KLHL29: variants seen among roughly 807,000 people sequenced by gnomAD.
KLHL29 encodes kelch-like protein 29.
In KLHL29, 21 loss-of-function variants were observed where a neutral mutation model predicts 80.4. That is an observed-to-expected ratio of 0.26 (90% CI 0.19 to 0.38). The LOEUF (loss-of-function observed/expected upper bound fraction) is 0.38, where lower values mean the gene tolerates loss of function less well. KLHL29 is among the 10% of genes least tolerant of loss of function. The pLI, the probability that KLHL29 is intolerant of heterozygous loss-of-function variation, is 1.00. For synonymous variants in KLHL29, 511 were observed against 526.8 expected (o/e 0.97, Z 0.41); for missense variants, 867 against 1,223.9 (o/e 0.71, Z 4.35).
intron 2 of KLHL29, among the ~76,000 whole-genome samples, chr2:23,515,184 G>A (rs1280344976): frequency 6.6e-6 from 1 of 152,142 alleles, no homozygotes; most frequent in African/African-American, 2.4e-5. Flanking sequence ...CACAGCCCAA[G>A]GGAGGGTCCT....
chr2:23,512,014 C>T (rs938660129), intron 2 of KLHL29, among the ~76,000 whole-genome samples: 8 of 152,132 alleles, frequency 5.3e-5, no homozygotes, highest in African/African-American at 1.2e-4. Flanking sequence ...TCAGGGCTCT[C>T]GGTAGAAAAC....
chr2:23,562,550 A>G lies in KLHL29; in HGVS notation c.285+69A>G. 6.8e-7 allele frequency: 1 copy of G among 1,474,402 alleles called. No individual in the cohort carries two copies. The highest frequency in any genetic ancestry group is 2.3e-4 in the Middle Eastern group (1 of 4,372). 91.3% of individuals were successfully genotyped at this position (1,474,402 alleles called of 1,614,324 possible). A position where few individuals can be genotyped will look rare whatever the true frequency, so the allele number is the denominator to read the frequency against. Reference sequence around the variant, plus strand: ...CCCTGCCTCCCTGCAGGCTCAGGCCAGCCCCACAGGCTCCTGTGGGGCAGC... The same window carrying G: ...CCCTGCCTCCCTGCAGGCTCAGGCCGGCCCCACAGGCTCCTGTGGGGCAGC... On this transcript the variant is annotated intron_variant, in intron 3 of 13. Transcript: ENST00000486442. This position sits in a 1 kb window ranked among gnomAD's most constrained non-coding sequence, Gnocchi z 4.5.
intron 2 of KLHL29, among the ~76,000 whole-genome samples, chr2:23,487,363 C>T (rs1384219607): frequency 6.6e-6 from 1 of 152,184 alleles, no homozygotes; most frequent in Non-Finnish European, 1.5e-5. Flanking sequence ...GTCTTCTGCA[C>T]ATGCTACCTG....
chr2:23,587,092 G>A (rs962702592), intron 3 of KLHL29, among the ~76,000 whole-genome samples: 3 of 152,048 alleles, frequency 2.0e-5, no homozygotes, highest in Admixed American at 6.6e-5. Context: ...CTTTCATGTC[G>A]CTCCTTTTAA....
At chr2:23,634,041 G>A (rs186266882) in intron 3 of KLHL29, among the ~76,000 whole-genome samples, 14 of 152,276 alleles carry the variant, frequency 9.2e-5, no homozygotes, top group South Asian at 2.1e-4. Flanking sequence ...AAGCCTGTGT[G>A]ACCCCCACGG....
At chr2:23,612,066 A>G (rs1256638218) in intron 3 of KLHL29, among the ~76,000 whole-genome samples, 1 of 152,234 alleles carries the variant, frequency 6.6e-6, no homozygotes, top group Non-Finnish European at 1.5e-5. Flanking sequence ...AAACTGTGTC[A>G]GAAGCAATAT....
chr2:23,664,211 A>G (rs1318260604), intron 5 of KLHL29, among the ~76,000 whole-genome samples: 10 of 152,178 alleles, frequency 6.6e-5, no homozygotes, highest in Non-Finnish European at 8.8e-5. Flanking sequence ...TTGCATGTTG[A>G]AAAGCCCTGA....
Position 23,639,152 on chromosome 2 carries a change from C to G in KLHL29, c.299C>G (p.Ser100Cys). The G allele has an allele frequency of 6.5e-7, 1 of 1,537,104 alleles. No individual in the cohort carries two copies. Among genetic ancestry groups the G allele is most frequent in the Non-Finnish European group, 8.8e-7 (1 of 1,142,026 alleles). The change falls in exon 4 of 14, where the codon TCC becomes TGC. Residue 100 changes from serine (S) to cysteine (C), a missense_variant. Physicochemically the swap from Ser to Cys is moderately radical, Grantham distance 112. Transcript: ENST00000486442. ...SAVTTKAPGI[S>C]KGDSQSQGLA... ...TGCTTCCCACAGGCTCCCGGCATCT[C>G]CAAAGGGGACAGTCAGTCCCAGGGA...
At chr2:23,602,702 T>C (rs1668602435) in intron 3 of KLHL29, among the ~76,000 whole-genome samples, 1 of 150,916 alleles carries the variant, frequency 6.6e-6, no homozygotes, top group African/African-American at 2.4e-5. Flanking sequence ...AGTCTACCCA[T>C]CTCAGCCTCC....
At chr2:23,646,795 A>T (rs747936935) in intron 5 of KLHL29, among the ~76,000 whole-genome samples, 36 of 152,340 alleles carry the variant, frequency 2.4e-4, no homozygotes, top group Non-Finnish European at 5.0e-4. Context: ...ACTTTGAGGC[A>T]CAGGGAATAG....
Position 23,413,641 on chromosome 2 carries a change from G to T in KLHL29, c.-154+27861G>T, listed in dbSNP as rs200733644. 1.5e-4 allele frequency among the ~76,000 whole-genome samples: 23 copies of T among 152,296 alleles called. 1 individual carries two copies. In the East Asian group the frequency reaches 4.0e-3, roughly 27 times the overall value. ...GAACAACCTGCTCCCCACCTTGAAA[G>T]AAACCATTGACTTCATGGAAAAAAC... On this transcript the variant is annotated intron_variant, in intron 1 of 13. Coordinates refer to ENST00000486442, the MANE Select transcript of KLHL29 (RefSeq NM_052920.2).
chr2:23,576,729 C>T (rs1296194293), intron 3 of KLHL29, among the ~76,000 whole-genome samples: 2 of 152,196 alleles, frequency 1.3e-5, no homozygotes, highest in South Asian at 2.1e-4. Flanking sequence ...TAGTAACCGC[C>T]GCGTCCAGCA....
At chr2:23,649,257 C>T (rs998487687) in intron 5 of KLHL29, among the ~76,000 whole-genome samples, 1 of 152,216 alleles carries the variant, frequency 6.6e-6, no homozygotes, top group African/African-American at 2.4e-5. Flanking sequence ...ACACACCCTC[C>T]TCCAGGCAGT....
intron 2 of KLHL29, among the ~76,000 whole-genome samples, chr2:23,478,424 C>T (rs1359705504): frequency 6.6e-6 from 1 of 152,142 alleles, no homozygotes; most frequent in African/African-American, 2.4e-5. Context: ...TGGGCCAGCT[C>T]ACAGGGTCCT....
intron 1 of KLHL29, among the ~76,000 whole-genome samples, chr2:23,429,683 G>A (rs917333398): frequency 6.6e-6 from 1 of 152,044 alleles, no homozygotes; most frequent in Non-Finnish European, 1.5e-5. Context: ...GAACCTGGGA[G>A]GCAGAAGTTT....
chr2:23,697,171 G>A (rs1672015194), intron 11 of KLHL29: 1 of 152,404 alleles, frequency 6.6e-6, no homozygotes, highest in Admixed American at 6.5e-5. Flanking sequence ...GTCCCAGCCT[G>A]GCTTCCTCCC....
At chr2:23,483,018 T>C (rs191635229) in intron 2 of KLHL29, among the ~76,000 whole-genome samples, 63 of 152,364 alleles carry the variant, frequency 4.1e-4, no homozygotes, top group Admixed American at 2.0e-3. Flanking sequence ...TCAATTCTTA[T>C]GTGGCAAATA....
Position 23,456,544 on chromosome 2 carries a change from G to A in KLHL29, c.-153-19016G>A, listed in dbSNP as rs140464229. ...TCTGAAACGTCTCTAGTAAGGCCAC[G>A]TGATGCGTGCGTCTAGCACCCACGA... On this transcript the variant is annotated intron_variant, in intron 1 of 13. Coordinates refer to ENST00000486442, the MANE Select transcript of KLHL29 (RefSeq NM_052920.2). 1.6e-4 allele frequency among the ~76,000 whole-genome samples: 25 copies of A among 152,352 alleles called. No homozygotes were observed. The East Asian group carries it at 4.1e-3, about 25-fold the overall frequency.
At chr2:23,388,399 T>C (rs1666237052) in intron 1 of KLHL29, among the ~76,000 whole-genome samples, 1 of 152,220 alleles carries the variant, frequency 6.6e-6, no homozygotes, top group South Asian at 2.1e-4. Context: ...TTATAAACTA[T>C]TACCAAAGGA....
Sources: allele counts gnomAD v4.1 joint callset (sites outside exome capture counted in the v4.1 genomes callset), GRCh38; gene constraint gnomAD v4.1.1; non-coding constraint Gnocchi (gnomAD v3.1); transcripts MANE v1.5; gene names NCBI Gene and HGNC (gene_info 2026-07-23, HGNC 2026-07-21).